SPPL3: variants seen among roughly 807,000 people sequenced by gnomAD.
SPPL3 encodes signal peptide peptidase-like 3.
In SPPL3, 5 loss-of-function variants were observed where a neutral mutation model predicts 42.4. The ratio of observed to expected loss-of-function variants is 0.12; its 90% CI spans 0.06 to 0.25. The LOEUF (loss-of-function observed/expected upper bound fraction) is 0.25, where lower values mean the gene tolerates loss of function less well. SPPL3 is among the 10% of genes least tolerant of loss of function. SPPL3 has a pLI of 1.00. For missense variants in SPPL3, 235 were observed against 489.0 expected (o/e 0.48, Z 4.90); for synonymous variants, 195 against 181.8 (o/e 1.07, Z -0.58).
At chr12:120,783,065 G>A (rs970862664) in intron 5 of SPPL3, among the ~76,000 whole-genome samples, 2 of 152,122 alleles carry the variant, frequency 1.3e-5, no homozygotes, top group Admixed American at 6.5e-5. Flanking sequence ...TTCTTATGAG[G>A]AAAACAAAAT....
chr12:120,903,789 C>T, intron 1 of SPPL3, 56 bp downstream of exon 1: 1 of 1,383,830 alleles, frequency 7.2e-7, no homozygotes, highest in East Asian at 3.0e-5. Context: ...CGGGCCGCGC[C>T]GGCGCCCCGA....
intron 1 of SPPL3, among the ~76,000 whole-genome samples, chr12:120,827,063 T>C (rs757739673): frequency 3.3e-5 from 5 of 152,072 alleles, no homozygotes; most frequent in Admixed American, 6.6e-5. Flanking sequence ...AAACTTGACT[T>C]AGCAGGAGTC....
At chr12:120,801,952 A>C (rs1870311442) in intron 2 of SPPL3, among the ~76,000 whole-genome samples, 1 of 152,222 alleles carries the variant, frequency 6.6e-6, no homozygotes, top group East Asian at 1.9e-4. Flanking sequence ...AGTTTATTAC[A>C]GACACTATAT....
chr12:120,784,989 T>C (rs1202903802), intron 3 of SPPL3, among the ~76,000 whole-genome samples: 1 of 152,216 alleles, frequency 6.6e-6, no homozygotes, highest in Admixed American at 6.5e-5. Context: ...GGACTTCTCA[T>C]CACCTGTGGG....
chr12:120,842,710 C>T (rs1447712734), intron 1 of SPPL3, among the ~76,000 whole-genome samples: 1 of 151,910 alleles, frequency 6.6e-6, no homozygotes, highest in Non-Finnish European at 1.5e-5. Flanking sequence ...GGCACTAATC[C>T]CATTAACGAG....
intron 2 of SPPL3, among the ~76,000 whole-genome samples, chr12:120,792,713 A>G (rs1869962577): frequency 6.6e-6 from 1 of 151,744 alleles, no homozygotes; most frequent in South Asian, 2.1e-4. Context: ...AAAAAAAAAA[A>G]AAAAAAGTTG....
intron 1 of SPPL3, among the ~76,000 whole-genome samples, chr12:120,857,788 A>G (rs1029407892): frequency 6.6e-6 from 1 of 152,160 alleles, no homozygotes; most frequent in Non-Finnish European, 1.5e-5. Flanking sequence ...GGACACAGGG[A>G]GGGGAACAAC....
intron 1 of SPPL3, among the ~76,000 whole-genome samples, chr12:120,874,375 C>G (rs1873014899): frequency 6.7e-6 from 1 of 149,138 alleles, no homozygotes; most frequent in African/African-American, 2.5e-5. Context: ...ATTGATTGAA[C>G]CTGGGAGGCA....
At chr12:120,903,552 C>T (rs563470344) in intron 1 of SPPL3, 26 of 409,900 alleles carry the variant, frequency 6.3e-5, no homozygotes, top group African/African-American at 5.1e-4. Context: ...GTGGGATTCC[C>T]ACCCCCGGGG....
intron 2 of SPPL3, among the ~76,000 whole-genome samples, chr12:120,794,917 C>T (rs1384862425): frequency 2.0e-5 from 3 of 152,126 alleles, no homozygotes; most frequent in Non-Finnish European, 4.4e-5. Flanking sequence ...TTAGTGGCTG[C>T]TGTAGGGTCT....
chr12:120,884,797 T>A (rs1294294767), intron 1 of SPPL3, among the ~76,000 whole-genome samples: 2 of 113,498 alleles, frequency 1.8e-5, no homozygotes, highest in Non-Finnish European at 4.1e-5. Context: ...TTTTTTGGGT[T>A]TTTTTTTTGG....
chr12:120,889,913 A>G (rs1168945), intron 1 of SPPL3, among the ~76,000 whole-genome samples: 1 of 152,060 alleles, frequency 6.6e-6, no homozygotes, highest in Non-Finnish European at 1.5e-5. Flanking sequence ...ACTGATAGCA[A>G]TTTAAGACAT....
At chr12:120,794,556 C>T (rs990465706) in intron 2 of SPPL3, among the ~76,000 whole-genome samples, 1 of 152,118 alleles carries the variant, frequency 6.6e-6, no homozygotes. Context: ...TGCCACCACA[C>T]CCTGCTAATT....
intron 1 of SPPL3, among the ~76,000 whole-genome samples, chr12:120,814,977 T>TTTTTG (rs199854710): frequency 4.2e-4 from 63 of 150,884 alleles, no homozygotes; most frequent in Non-Finnish European, 5.6e-4. Context: ...TGCCCCACAG[T>TTTTTG]TTTTGTTTTG....
At chr12:120,768,865 T>C in intron 7 of SPPL3, 88 bp downstream of exon 7, 1 of 1,172,918 alleles carries the variant, frequency 8.5e-7, no homozygotes, top group Non-Finnish European at 1.2e-6. Context: ...AAGCCCGACT[T>C]TGGATACTTC....
At position 120,797,500 on chromosome 12, in the gene SPPL3, GT is replaced by G. The variant is rs577120689; in HGVS notation, c.102-5944del. On this transcript the variant is annotated intron_variant, in intron 2 of 10. Coordinates refer to ENST00000353487, the MANE Select transcript of SPPL3 (RefSeq NM_139015.5). Reference sequence around the variant, plus strand: ...ACTGCTGTGTTATGAGGGTTTACATGTTTTTTTTATTGTTTTTAAAGTTGTT... The same window carrying G: ...ACTGCTGTGTTATGAGGGTTTACATGTTTTTTTATTGTTTTTAAAGTTGTT... Among the ~76,000 whole-genome samples, 22 of 152,000 alleles carry G rather than the reference GT, an allele frequency of 1.4e-4. 1 individual carries two copies. The South Asian group carries it at 3.5e-3, about 24-fold the overall frequency.
intron 6 of SPPL3, among the ~76,000 whole-genome samples, chr12:120,771,764 A>G (rs1832354567): frequency 6.6e-6 from 1 of 152,110 alleles, no homozygotes; most frequent in South Asian, 2.1e-4. Flanking sequence ...TTGTGGTGGG[A>G]TGAATGTCCA....
chr12:120,823,378 T>G (rs962567005), intron 1 of SPPL3, among the ~76,000 whole-genome samples: 2 of 152,090 alleles, frequency 1.3e-5, no homozygotes, highest in African/African-American at 4.8e-5. Flanking sequence ...TCCATGGAAT[T>G]TGCTCTCCCC....
At chr12:120,781,567 T>TG (rs1869545136) in intron 6 of SPPL3, among the ~76,000 whole-genome samples, 11 of 53,008 alleles carry the variant, frequency 2.1e-4, no homozygotes, top group South Asian at 7.9e-4. Flanking sequence ...TTTTTTTTTT[T>TG]TTTTTTTTTT....
Sources: gnomAD v4.1 joint callset for allele counts (sites outside exome capture counted in the v4.1 genomes callset) on GRCh38, gnomAD v4.1.1 for gene constraint, MANE v1.5 for transcripts, NCBI Gene and HGNC (gene_info 2026-07-23, HGNC 2026-07-21) for gene names.